Variants in ATXN10 observed in about 807,000 individuals in gnomAD.
ATXN10 encodes the protein ataxin-10.
Under a neutral mutation model 52.9 loss-of-function variants are expected in ATXN10, and 28 were observed. The ratio of observed to expected loss-of-function variants is 0.53; its 90% CI spans 0.39 to 0.73. The LOEUF (loss-of-function observed/expected upper bound fraction) is 0.73. ATXN10 is among the 30% of genes least tolerant of loss of function. The pLI, the probability that ATXN10 is intolerant of heterozygous loss-of-function variation, is 0.00. For missense variants in ATXN10, 565 were observed against 577.0 expected (o/e 0.98, Z 0.21); for synonymous variants, 226 against 221.5 (o/e 1.02, Z -0.18).
chr22:45,731,622 A>G (rs907710264), intron 7 of ATXN10, among the ~76,000 whole-genome samples: 12 of 152,310 alleles, frequency 7.9e-5, no homozygotes, highest in African/African-American at 2.9e-4. Flanking sequence ...CAGAGTGGAT[A>G]CTCATCCACT....
chr22:45,778,932 G>A (rs990697967), intron 9 of ATXN10, among the ~76,000 whole-genome samples: 1 of 152,210 alleles, frequency 6.6e-6, no homozygotes. Context: ...GGCATGTCTG[G>A]TGAGTGGAAT....
rs1337949929 is a variant in ATXN10, at chr22:45,684,018, C to T, written c.117-5694C>T. Among the ~76,000 whole-genome samples, 1 of 152,118 alleles carries T rather than the reference C, an allele frequency of 6.6e-6. No homozygotes were observed. The highest frequency in any genetic ancestry group is 1.5e-5 in the Non-Finnish European group (1 of 68,014). ...CCAGGCCTGAGTGCAGTGTTGTGAT[C>T]ATAGCTCACCATAGCCTTGAACTCC... On this transcript the variant is annotated intron_variant, in intron 1 of 11. Transcript: ENST00000252934. This position sits in a 1 kb window ranked among gnomAD's most constrained non-coding sequence, Gnocchi z 4.1.
At chr22:45,676,897 C>T (rs993994723) in intron 1 of ATXN10, 2 of 152,340 alleles carry the variant, frequency 1.3e-5, no homozygotes, top group Admixed American at 6.5e-5. Context: ...CTCCTGCCTC[C>T]TTCCCCAGTA....
chr22:45,827,466 A>G (rs1259134595), intron 10 of ATXN10, among the ~76,000 whole-genome samples: 1 of 152,216 alleles, frequency 6.6e-6, no homozygotes, highest in African/African-American at 2.4e-5. Context: ...AGGATAGAAA[A>G]AGATAGTATA....
rs753950647 is a variant in ATXN10 at position 45,786,643 on chromosome 22, G to GC, written c.1174-20314dup. ...GTCAGCAAAACTTGTACTATTAAAT[G>GC]CCTTTATCTCATAAAATCTTAATTT... is the stretch of plus-strand genomic sequence containing the variant. On this transcript the variant is annotated intron_variant, in intron 9 of 11. Transcript: ENST00000252934. This position sits in a 1 kb window ranked among gnomAD's most constrained non-coding sequence, Gnocchi z 4.1. Among the ~76,000 whole-genome samples the GC allele has an allele frequency of 6.6e-6, 1 of 152,190 alleles. No homozygotes were observed. The highest frequency in any genetic ancestry group is 1.5e-5 in the Non-Finnish European group (1 of 68,026).
intron 9 of ATXN10, among the ~76,000 whole-genome samples, chr22:45,753,954 C>T (rs1465896222): frequency 4.6e-5 from 7 of 152,216 alleles, no homozygotes; most frequent in African/African-American, 1.7e-4. Flanking sequence ...AAGCCACCTA[C>T]TTGTTTGCAG....
chr22:45,822,673 G>T (rs1465203579), intron 10 of ATXN10, among the ~76,000 whole-genome samples: 3 of 151,856 alleles, frequency 2.0e-5, no homozygotes, highest in Admixed American at 6.6e-5. Flanking sequence ...TGGGATTACA[G>T]GTGCCCGCCA....
intron 7 of ATXN10, among the ~76,000 whole-genome samples, chr22:45,735,972 A>AT (rs374390221): frequency 2.0e-3 from 301 of 152,180 alleles, no homozygotes; most frequent in South Asian, 4.6e-3. Context: ...CCAGATGCTC[A>AT]TTAGAAACAC....
chr22:45,771,537 C>T (rs937932691), intron 9 of ATXN10, among the ~76,000 whole-genome samples: 2 of 151,756 alleles, frequency 1.3e-5, no homozygotes, highest in African/African-American at 4.8e-5. Context: ...CTGCCTCAGC[C>T]TCCCGAGTAG....
At chr22:45,734,900 T>TATTATTA in intron 7 of ATXN10, among the ~76,000 whole-genome samples, 1 of 150,316 alleles carries the variant, frequency 6.7e-6, no homozygotes, top group Non-Finnish European at 1.5e-5. Flanking sequence ...TTATTATTAT[T>TATTATTA]TTGAGATAGA....
chr22:45,721,233 A>G (rs760377717), intron 6 of ATXN10, among the ~76,000 whole-genome samples: 4 of 152,184 alleles, frequency 2.6e-5, no homozygotes, highest in African/African-American at 7.2e-5. Context: ...TCTCCTTTCC[A>G]GGTGAATTGG....
Position 45,696,656 on chromosome 22 carries a change from T to A in ATXN10, c.391+3578T>A, listed in dbSNP as rs1461269155. 6.6e-6 allele frequency among the ~76,000 whole-genome samples: 1 copy of A among 152,234 alleles called. No individual in the cohort carries two copies. The highest frequency in any genetic ancestry group is 1.5e-5 in the Non-Finnish European group (1 of 68,042). On this transcript the variant is annotated intron_variant, in intron 3 of 11. Coordinates refer to ENST00000252934, the MANE Select transcript of ATXN10 (RefSeq NM_013236.4). This position sits in a 1 kb window ranked among gnomAD's most constrained non-coding sequence, Gnocchi z 4.7. ...GTAATATGCCCTCCCATTTTTCATT[T>A]AAAAATATCTTCTTTTGACTCCATG... is the stretch of plus-strand genomic sequence containing the variant.
chr22:45,740,374 T>G lies in ATXN10; in HGVS notation c.1009T>G (p.Leu337Val). Reference protein sequence around the residue: ...PGLLERVIDLLRVIHVAGKET... With the variant: ...PGLLERVIDLVRVIHVAGKET... ...GTTTACTCTTTTGGTTATAGATCTT[T>G]TGCGGGTGATTCATGTAGCTGGAAA... The change falls in exon 9 of 12, where the codon TTG becomes GTG. Residue 337 changes from leucine (L) to valine (V), a missense_variant. Coordinates refer to ENST00000252934, the MANE Select transcript of ATXN10 (RefSeq NM_013236.4). The G allele has an allele frequency of 6.2e-7, 1 of 1,613,856 alleles. No individual in the cohort carries two copies. The highest frequency in any genetic ancestry group is 8.5e-7 in the Non-Finnish European group (1 of 1,179,850).
intron 6 of ATXN10, among the ~76,000 whole-genome samples, chr22:45,725,069 A>G (rs981471356): frequency 6.6e-5 from 10 of 152,148 alleles, no homozygotes; most frequent in African/African-American, 2.4e-4. Flanking sequence ...CTTGTAGTAT[A>G]ATTTGAAGTT....
Position 45,819,902 on chromosome 22 carries a change from A to G in ATXN10, c.1237+12880A>G, listed in dbSNP as rs1928592992. Among the ~76,000 whole-genome samples, 1 of 152,198 alleles carries G rather than the reference A, an allele frequency of 6.6e-6. No individual in the cohort carries two copies. Among genetic ancestry groups the G allele is most frequent in the African/African-American group, 2.4e-5 (1 of 41,458 alleles). On this transcript the variant is annotated intron_variant, in intron 10 of 11. Coordinates refer to ENST00000252934, the MANE Select transcript of ATXN10 (RefSeq NM_013236.4). The surrounding 1 kb of genome is among the most constrained non-coding windows in gnomAD (Gnocchi z 4.5). ...GAGACACTTGAGAGACTGGGTAGCC[A>G]AAGTTTGGCATAAAGGAACATGTTC...
chr22:45,719,929 C>A (rs1005816644), intron 6 of ATXN10, among the ~76,000 whole-genome samples: 3 of 152,138 alleles, frequency 2.0e-5, no homozygotes, highest in African/African-American at 7.2e-5. Context: ...AAGGATTCAT[C>A]CCTTCTTATT....
At chr22:45,822,055 C>T (rs1928666758) in intron 10 of ATXN10, among the ~76,000 whole-genome samples, 2 of 152,128 alleles carry the variant, frequency 1.3e-5, no homozygotes, top group Admixed American at 6.6e-5. Context: ...GTAGATTGGC[C>T]GTCTTTGAAG....
At position 45,772,949 on chromosome 22, in the gene ATXN10, C is replaced by G. The variant is rs143341801; in HGVS notation, c.1173+32411C>G. Among the ~76,000 whole-genome samples, 36 of 152,288 alleles carry G rather than the reference C, an allele frequency of 2.4e-4. No individual in the cohort carries two copies. The highest frequency in any genetic ancestry group is 4.1e-4 in the Non-Finnish European group (28 of 68,032). On this transcript the variant is annotated intron_variant, in intron 9 of 11. Coordinates refer to ENST00000252934, the MANE Select transcript of ATXN10 (RefSeq NM_013236.4). The surrounding 1 kb of genome is among the most constrained non-coding windows in gnomAD (Gnocchi z 4.1). ...AACCATCTGTAGACTTCTTATAATA[C>G]CTAATACATGTAAATGCTGTGTGCA... is the stretch of plus-strand genomic sequence containing the variant.
chr22:45,712,910 C>T lies in ATXN10; in HGVS notation c.648-5503C>T, dbSNP rs1024063142. On this transcript the variant is annotated intron_variant, in intron 5 of 11. Transcript: ENST00000252934. This position sits in a 1 kb window ranked among gnomAD's most constrained non-coding sequence, Gnocchi z 4.6. Reference sequence around the variant, plus strand: ...TGTGGGTTAGATTTCCCAGATCTCACAACAAAGGAGAGTGGCATTTATTTT... The same window carrying T: ...TGTGGGTTAGATTTCCCAGATCTCATAACAAAGGAGAGTGGCATTTATTTT... Among the ~76,000 whole-genome samples the T allele has an allele frequency of 2.0e-5, 3 of 152,130 alleles. No homozygotes were observed. Among genetic ancestry groups the T allele is most frequent in the African/African-American group, 7.2e-5 (3 of 41,432 alleles).
Sources: allele counts gnomAD v4.1 joint callset (sites outside exome capture counted in the v4.1 genomes callset), GRCh38; gene constraint gnomAD v4.1.1; non-coding constraint Gnocchi (gnomAD v3.1); transcripts MANE v1.5; gene names NCBI Gene and HGNC (gene_info 2026-07-23, HGNC 2026-07-21).